Variants in GFRA2 observed in about 807,000 individuals in gnomAD.
The protein encoded by GFRA2 is GDNF family receptor alpha 2, also known as GDNF family receptor alpha-2.
Under a neutral mutation model 48.3 loss-of-function variants are expected in GFRA2, and 17 were observed. That is an observed-to-expected ratio of 0.35 (90% CI 0.24 to 0.53). GFRA2 has a LOEUF of 0.53. Ranked by LOEUF, GFRA2 falls within the 20% of genes least tolerant of loss-of-function variation. GFRA2 has a pLI of 0.93. For missense variants in GFRA2, 660 were observed against 637.3 expected (o/e 1.04, Z -0.38); for synonymous variants, 305 against 257.2 (o/e 1.19, Z -1.78).
At chr8:21,735,448 C>T (rs1285544825) in intron 4 of GFRA2, among the ~76,000 whole-genome samples, 1 of 151,998 alleles carries the variant, frequency 6.6e-6, no homozygotes, top group East Asian at 1.9e-4. Flanking sequence ...AGTTCTCCTT[C>T]GCACACACAC....
intron 7 of GFRA2, among the ~76,000 whole-genome samples, chr8:21,697,439 T>G (rs1390865868): frequency 2.0e-5 from 3 of 151,990 alleles, no homozygotes; most frequent in Non-Finnish European, 4.4e-5. Context: ...AAGGGACATC[T>G]GCCCCAAGGT....
Position 21,694,545 on chromosome 8 carries a change from CG to C in GFRA2, c.1219-29del, listed in dbSNP as rs748532965. 6 of 1,600,962 alleles carry C rather than the reference CG, an allele frequency of 3.7e-6. No individual in the cohort carries two copies. In the South Asian group the frequency reaches 6.8e-5, roughly 18 times the overall value. ...GCGAGAGAGAAGGTGCCAGTCAGGA[CG>C]AGTCACCAGGCTGTTCCTGGCTGGG... On this transcript the variant is annotated intron_variant, in intron 7 of 8. Coordinates refer to ENST00000524240, the MANE Select transcript of GFRA2 (RefSeq NM_001495.5).
At chr8:21,761,455 C>A (rs4739218) in intron 3 of GFRA2, among the ~76,000 whole-genome samples, 1 of 152,048 alleles carries the variant, frequency 6.6e-6, no homozygotes, top group Non-Finnish European at 1.5e-5. Context: ...AGACGGAGGA[C>A]CTGGCTGGGC....
intron 3 of GFRA2, among the ~76,000 whole-genome samples, chr8:21,770,232 T>C (rs1350536878): frequency 6.6e-6 from 1 of 152,230 alleles, no homozygotes; most frequent in Admixed American, 6.5e-5. Flanking sequence ...GTTTCTAGAA[T>C]GCCGGGTTCT....
At chr8:21,758,565 C>G (rs149648646) in intron 3 of GFRA2, among the ~76,000 whole-genome samples, 1 of 152,120 alleles carries the variant, frequency 6.6e-6, no homozygotes, top group Non-Finnish European at 1.5e-5. Flanking sequence ...ACTACTTAAA[C>G]AGGGGTTAAA....
chr8:21,777,943 T>C (rs1344042821), intron 2 of GFRA2, among the ~76,000 whole-genome samples: 4 of 152,160 alleles, frequency 2.6e-5, no homozygotes, highest in African/African-American at 9.7e-5. Flanking sequence ...AGCCATGTCT[T>C]GCGGTCACAT....
In GFRA2 at chr8:21,714,243, G is replaced by GTTTTTTT. The variant is rs1385783305; in HGVS notation, c.795-8203_795-8202insAAAAAAA. ...GCTGATCAATACATACTGGTCTGAA[G>GTTTTTTT]TTCTTTTTTTTTTTTTTTTTTTTTT... On this transcript the variant is annotated intron_variant, in intron 4 of 8. Transcript: ENST00000524240. 2.2e-3 allele frequency among the ~76,000 whole-genome samples: 101 copies of GTTTTTTT among 45,830 alleles called. 1 individual carries two copies. Among genetic ancestry groups the GTTTTTTT allele is most frequent in the East Asian group, 4.7e-3 (5 of 1,058 alleles). The allele number at this position is 45,830 out of a possible 152,430, so 30.1% of individuals were successfully genotyped here.
At chr8:21,770,977 C>T (rs1481496909) in intron 3 of GFRA2, among the ~76,000 whole-genome samples, 2 of 152,192 alleles carry the variant, frequency 1.3e-5, no homozygotes, top group Non-Finnish European at 2.9e-5. Context: ...GAGGAGGATG[C>T]TCCACTTCAG....
At chr8:21,747,060 C>T (rs1434173911) in intron 4 of GFRA2, among the ~76,000 whole-genome samples, 1 of 152,130 alleles carries the variant, frequency 6.6e-6, no homozygotes, top group African/African-American at 2.4e-5. Context: ...CCCTGCAGTC[C>T]TCCAGCTTTT....
rs764423352 is a variant in GFRA2, at chr8:21,750,903, T to C, written c.479A>G (p.His160Arg). 2 of 1,613,176 alleles carry C rather than the reference T, an allele frequency of 1.2e-6. No individual in the cohort carries two copies. Among genetic ancestry groups the C allele is most frequent in the Admixed American group, 1.7e-5 (1 of 59,976 alleles). Residue 160 changes from histidine (H) to arginine (R), a missense_variant, in exon 4 of 9, where the codon CAT becomes CGT. His to Arg is a conservative substitution (Grantham distance 29). Coordinates refer to ENST00000524240, the MANE Select transcript of GFRA2 (RefSeq NM_001495.5). The surrounding 1 kb of genome is among the most constrained non-coding windows in gnomAD (Gnocchi z 5.7). ...GCAGGCCTTGGCAGCATCCAGGCAA[T>C]GGTTGCTCTTGGCGCTGACCACCGG... ...ADPVVSAKSN[H>R]CLDAAKACNL...
chr8:21,715,880 GGA>G (rs1044227480), intron 4 of GFRA2, among the ~76,000 whole-genome samples: 5 of 152,184 alleles, frequency 3.3e-5, no homozygotes, highest in South Asian at 2.1e-4. Context: ...GAAAAGCAAG[GGA>G]GAGAGAGAGA....
chr8:21,695,892 TG>T (rs1802140427), intron 7 of GFRA2, among the ~76,000 whole-genome samples: 2 of 152,158 alleles, frequency 1.3e-5, no homozygotes, highest in Non-Finnish European at 1.5e-5. Context: ...TTGGAGTCTG[TG>T]CCTGTGGCCT....
intron 1 of GFRA2, among the ~76,000 whole-genome samples, chr8:21,785,237 G>A (rs1807212164): frequency 6.6e-6 from 1 of 152,190 alleles, no homozygotes; most frequent in African/African-American, 2.4e-5. Context: ...CCCACAGGAT[G>A]ATCCTTACAC....
At chr8:21,747,515 T>C (rs1440943505) in intron 4 of GFRA2, among the ~76,000 whole-genome samples, 7 of 152,196 alleles carry the variant, frequency 4.6e-5, no homozygotes, top group Admixed American at 4.6e-4. Context: ...GAGCTTTCCC[T>C]GAGCCCTGCA....
chr8:21,697,117 A>G (rs1802237152), intron 7 of GFRA2, among the ~76,000 whole-genome samples: 3 of 123,068 alleles, frequency 2.4e-5, no homozygotes, highest in African/African-American at 6.2e-5. Flanking sequence ...AGGAGAGGGG[A>G]GGGGAGAGAA....
intron 4 of GFRA2, among the ~76,000 whole-genome samples, chr8:21,743,580 C>A (rs1804856202): frequency 6.6e-6 from 1 of 152,194 alleles, no homozygotes; most frequent in Admixed American, 6.5e-5. Context: ...TTCATTAACT[C>A]CCCCAATCGA....
At position 21,702,930 on chromosome 8, in the gene GFRA2, G is replaced by C. The variant is rs533919021; in HGVS notation, c.1093C>G (p.Pro365Ala). The change falls in exon 7 of 9, where the codon CCA becomes GCA. Residue 365 changes from proline to alanine, a missense_variant. By Grantham distance (27) the Pro-to-Ala change is conservative. Coordinates refer to ENST00000524240, the MANE Select transcript of GFRA2 (RefSeq NM_001495.5). ...FGNGTDVNVS[P>A]KGPSFQATQA... The stretch of plus-strand genomic sequence containing the variant: ...GTGGCCTGGAACGAGGGGCCTTTTG[G>C]GGACACGTTCACGTCCGTGCCGTTG... 6.3e-7 allele frequency: 1 copy of C among 1,578,954 alleles called. No individual in the cohort carries two copies. Among genetic ancestry groups the C allele is most frequent in the African/African-American group, 1.4e-5 (1 of 73,452 alleles).
chr8:21,783,041 C>G (rs1461196298), intron 1 of GFRA2, 142 bp from the exon 2 acceptor site: 3 of 773,932 alleles, frequency 3.9e-6, no homozygotes, highest in African/African-American at 3.4e-5. Context: ...GTGGGACAGC[C>G]CTCCTCATAC....
upstream of GFRA2, among the ~76,000 whole-genome samples, chr8:21,789,671 G>A (rs1487441632): frequency 6.6e-6 from 1 of 151,894 alleles, no homozygotes; most frequent in Non-Finnish European, 1.5e-5. Flanking sequence ...GCACATACAC[G>A]TGTGCTCTCC....
Sources: gnomAD v4.1 joint callset for allele counts (sites outside exome capture counted in the v4.1 genomes callset) on GRCh38, gnomAD v4.1.1 for gene constraint, Gnocchi (gnomAD v3.1) non-coding constraint, MANE v1.5 for transcripts, NCBI Gene and HGNC (gene_info 2026-07-23, HGNC 2026-07-21) for gene names.